Variants in EVPLL observed in about 807,000 individuals in gnomAD.
EVPLL encodes the protein envoplakin-like protein.
In EVPLL, 39 loss-of-function variants were observed where a neutral mutation model predicts 46.2. The observed-to-expected ratio is 0.84, with a 90% CI of 0.65 to 1.10. The LOEUF is 1.10. Ranked by LOEUF, EVPLL falls within the 50% of genes least tolerant of loss-of-function variation. The pLI is 0.00. For synonymous variants in EVPLL, 156 were observed against 165.8 expected, an observed-to-expected ratio of 0.94 and a Z score of 0.46; for missense variants, 385 against 412.6, an observed-to-expected ratio of 0.93 and a Z score of 0.58.
At chr17:18,382,669 G>A (rs1239907151) in intron 5 of EVPLL, 31 bp downstream of exon 5, 1 of 1,552,254 alleles carries the variant, frequency 6.4e-7, no homozygotes, top group Non-Finnish European at 8.7e-7. Context: ...TTACATCCGG[G>A]GCCAGCCCCA....
Position 18,382,815 on chromosome 17 carries a change from G to T in EVPLL, c.473-11G>T. The T allele has an allele frequency of 6.2e-7, 1 of 1,613,006 alleles. No individual in the cohort carries two copies. Among genetic ancestry groups the T allele is most frequent in the Non-Finnish European group, 8.5e-7 (1 of 1,179,582 alleles). On this transcript the variant is annotated splice_polypyrimidine_tract_variant and intron_variant, in intron 5 of 10. Transcript: ENST00000399134. ...CTCTCACGGGCTTGTTTCTCCCCTTGGTCAAGGCAGGATGCCGCCACCATC... is the reference window on the plus strand; with the variant it reads ...CTCTCACGGGCTTGTTTCTCCCCTTTGTCAAGGCAGGATGCCGCCACCATC...
At position 18,377,866 on chromosome 17, in the gene EVPLL, C is replaced by T; in HGVS notation, c.-154C>T. ...TTCACCAGCCAAGCCCAGCCTGAGC[C>T]AGCACCTGCCTTTATGACCATGTTC... On this transcript the variant is annotated 5_prime_UTR_variant, in exon 1 of 11. Transcript: ENST00000399134. 6 of 943,546 alleles carry T rather than the reference C, an allele frequency of 6.4e-6. No homozygotes were observed. The highest frequency in any genetic ancestry group is 9.6e-6 in the Non-Finnish European group (6 of 627,832). 58.4% of individuals were successfully genotyped at this position (943,546 alleles called of 1,614,324 possible). A position where few individuals can be genotyped will look rare whatever the true frequency, so the allele number is the denominator to read the frequency against.
At chr17:18,386,233 T>C (rs1220886096) in intron 9 of EVPLL, among the ~76,000 whole-genome samples, 1 of 152,180 alleles carries the variant, frequency 6.6e-6, no homozygotes, top group Non-Finnish European at 1.5e-5. Flanking sequence ...CCTCTATGCA[T>C]GTCTCTGTGT....
chr17:18,382,586 T>A lies in EVPLL; in HGVS notation c.420T>A (p.Arg140=), dbSNP rs1311853102. Residue 140 remains arginine (R), a synonymous_variant, in exon 5 of 11, where the codon CGT becomes CGA. Coordinates refer to ENST00000399134, the MANE Select transcript of EVPLL (RefSeq NM_001145127.2). ...AGGTDRGAQH[R]AEGDQRPRRA... The stretch of plus-strand genomic sequence containing the variant: ...GAACAGATCGCGGAGCTCAACATCG[T>A]GCAGAAGGAGATCAACGACCAAGGA... The A allele has an allele frequency of 1.9e-6, 3 of 1,551,664 alleles. No individual in the cohort carries two copies. In the African/African-American group the frequency reaches 4.1e-5, roughly 21 times the overall value.
In EVPLL at chr17:18,381,769, G is replaced by T. The variant is rs111463605; in HGVS notation, c.346+39G>T. ...AGTCACACCCCAGTGTGATCAGAGG[G>T]TGATACGGAACTGCATTTAACCCAG... On this transcript the variant is annotated intron_variant, in intron 4 of 10. Transcript: ENST00000399134. The surrounding 1 kb of genome is among the most constrained non-coding windows in gnomAD (Gnocchi z 4.2). 254 of 1,613,730 alleles carry T rather than the reference G, an allele frequency of 1.6e-4. No individual in the cohort carries two copies. In the African/African-American group the frequency reaches 2.9e-3, roughly 19 times the overall value.
chr17:18,383,438 G>A (rs2151629787), intron 8 of EVPLL, 54 bp from the exon 9 acceptor site: 2 of 1,069,164 alleles, frequency 1.9e-6, no homozygotes, highest in South Asian at 1.3e-5. Context: ...GGGGGGGGTG[G>A]ACGTGGGTGC....
chr17:18,382,099 CT>C, intron 4 of EVPLL: 1 of 373,012 alleles, frequency 2.7e-6, no homozygotes, highest in Non-Finnish European at 5.1e-6. Context: ...AGGAGTTGTG[CT>C]TTGATGCCAC....
rs1045300117 is a variant in EVPLL, at chr17:18,380,693, C to G, written c.-36-209C>G. The G allele has an allele frequency of 5.5e-6, 3 of 549,482 alleles. No individual in the cohort carries two copies. The African/African-American group carries it at 5.7e-5, about 10-fold the overall frequency. The allele number at this position is 549,482 out of a possible 1,614,324, so 34.0% of individuals were successfully genotyped here. ...CACCACACAGACCTGAGACCCTCAC[C>G]TTTTGACCCCTCATGTGGCGGGGCA... On this transcript the variant is annotated intron_variant, in intron 1 of 10. Coordinates refer to ENST00000399134, the MANE Select transcript of EVPLL (RefSeq NM_001145127.2).
At chr17:18,388,664 C>T (rs1987854252) in intron 10 of EVPLL, 193 bp from the exon 11 acceptor site, 1 of 160,556 alleles carries the variant, frequency 6.2e-6, no homozygotes, top group African/African-American at 2.4e-5. Flanking sequence ...GGGGTCCGGT[C>T]CCGAGAAGAC....
In EVPLL at chr17:18,381,537, G is replaced by A. The variant is rs757212648; in HGVS notation, c.218+16G>A. On this transcript the variant is annotated intron_variant, in intron 3 of 10. Coordinates refer to ENST00000399134, the MANE Select transcript of EVPLL (RefSeq NM_001145127.2). This position sits in a 1 kb window ranked among gnomAD's most constrained non-coding sequence, Gnocchi z 4.2. ...CTGAGAAGGAGTGAGTGGGGCTGCG[G>A]CAGGGCTGGGGGTCCCTGGGGAAGA... 6.2e-7 allele frequency: 1 copy of A among 1,613,252 alleles called. No individual in the cohort carries two copies. Among genetic ancestry groups the A allele is most frequent in the African/African-American group, 1.3e-5 (1 of 74,924 alleles).
chr17:18,385,145 T>C (rs1166227383), intron 9 of EVPLL, among the ~76,000 whole-genome samples: 6 of 149,870 alleles, frequency 4.0e-5, no homozygotes, highest in Non-Finnish European at 8.9e-5. Flanking sequence ...ATCACCTAAC[T>C]GCAGGTGCAA....
chr17:18,378,258 C>A lies in EVPLL; in HGVS notation c.-37+275C>A, dbSNP rs149563633. Among the ~76,000 whole-genome samples, 57 of 152,342 alleles carry A rather than the reference C, an allele frequency of 3.7e-4. No homozygotes were observed. In the East Asian group the frequency reaches 0.011, roughly 29 times the overall value. On this transcript the variant is annotated intron_variant, in intron 1 of 10. Transcript: ENST00000399134. ...TGGGCCACAGATTGATGCTGCTCAG[C>A]GGGAGAAGTGCCGGACAGGAGCCTG... is the stretch of plus-strand genomic sequence containing the variant.
At chr17:18,386,746 G>T (rs1987776406) in intron 9 of EVPLL, among the ~76,000 whole-genome samples, 1 of 152,064 alleles carries the variant, frequency 6.6e-6, no homozygotes, top group Non-Finnish European at 1.5e-5. Context: ...TCCAATCTGT[G>T]GTTTCAAGTT....
In EVPLL at chr17:18,388,883, G is replaced by A. The variant is rs561232036; in HGVS notation, c.*67G>A. On this transcript the variant is annotated 3_prime_UTR_variant, in exon 11 of 11. Coordinates refer to ENST00000399134, the MANE Select transcript of EVPLL (RefSeq NM_001145127.2). The stretch of plus-strand genomic sequence containing the variant: ...TCTTGCCGCACGTGCAGAGAGAGAG[G>A]AACTTCCAGTGCCCGCTATGGAGCC... The A allele has an allele frequency of 1.3e-5, 2 of 148,924 alleles. No individual in the cohort carries two copies. Among genetic ancestry groups the A allele is most frequent in the East Asian group, 3.9e-4 (2 of 5,142 alleles). The allele number at this position is 148,924 out of a possible 1,614,324, so 9.2% of individuals were successfully genotyped here.
At chr17:18,380,806 C>T (rs996815338) in intron 1 of EVPLL, 96 bp from the exon 2 acceptor site, 8 of 1,014,070 alleles carry the variant, frequency 7.9e-6, no homozygotes, top group Middle Eastern at 2.1e-4. Context: ...GCTGTGGGGG[C>T]GGGATGGGGT....
In EVPLL at chr17:18,377,994, C is replaced by G. The variant is rs528539159; in HGVS notation, c.-37+11C>G. 11 of 804,070 alleles carry G rather than the reference C, an allele frequency of 1.4e-5. No individual in the cohort carries two copies. In the East Asian group the frequency reaches 2.1e-4, roughly 15 times the overall value. 49.8% of individuals were successfully genotyped at this position (804,070 alleles called of 1,614,324 possible). On this transcript the variant is annotated intron_variant, in intron 1 of 10. Transcript: ENST00000399134. ...CAGCAAGCACAGCTGGTGAGTGGGACTAGGGGATGGGGAGCCAGGGAGCTA... is the reference window on the plus strand; with the variant it reads ...CAGCAAGCACAGCTGGTGAGTGGGAGTAGGGGATGGGGAGCCAGGGAGCTA...
At chr17:18,382,729 G>GGT in intron 5 of EVPLL, 91 bp downstream of exon 5, 2 of 1,396,190 alleles carry the variant, frequency 1.4e-6, no homozygotes, top group Non-Finnish European at 2.0e-6. Context: ...GGGCCCTGGG[G>GGT]ATAGGGGTGG....
chr17:18,388,285 G>C lies in EVPLL; in HGVS notation c.*37G>C. ...GGGGATTTCTGGTGGAGTAAGGGTA[G>C]CAGGTGAGAAATGAAGTACCAAGAA... On this transcript the variant is annotated 3_prime_UTR_variant, in exon 10 of 11. Coordinates refer to ENST00000399134, the MANE Select transcript of EVPLL (RefSeq NM_001145127.2). The C allele has an allele frequency of 7.0e-7, 1 of 1,435,086 alleles. No individual in the cohort carries two copies. The highest frequency in any genetic ancestry group is 9.6e-7 in the Non-Finnish European group (1 of 1,042,148). The allele number at this position is 1,435,086 out of a possible 1,614,324, so 88.9% of individuals were successfully genotyped here. A position where few individuals can be genotyped will look rare whatever the true frequency, so the allele number is the denominator to read the frequency against.
chr17:18,381,188 C>A lies in EVPLL; in HGVS notation c.64-179C>A, dbSNP rs1374110059. On this transcript the variant is annotated intron_variant, in intron 2 of 10. Transcript: ENST00000399134. This position sits in a 1 kb window ranked among gnomAD's most constrained non-coding sequence, Gnocchi z 4.2. ...GCTCAACTTCCTTCTTTGCTGGGCT[C>A]CCCTGTGTCTTTGTCACCTGCCTCA... 3 of 1,224,232 alleles carry A rather than the reference C, an allele frequency of 2.5e-6. No individual in the cohort carries two copies. Among genetic ancestry groups the A allele is most frequent in the African/African-American group, 1.5e-5 (1 of 65,788 alleles). 75.8% of individuals were successfully genotyped at this position (1,224,232 alleles called of 1,614,324 possible). A position where few individuals can be genotyped will look rare whatever the true frequency, so the allele number is the denominator to read the frequency against.
Sources: allele counts gnomAD v4.1 joint callset (sites outside exome capture counted in the v4.1 genomes callset), GRCh38; gene constraint gnomAD v4.1.1; non-coding constraint Gnocchi (gnomAD v3.1); transcripts MANE v1.5; gene names NCBI Gene and HGNC (gene_info 2026-07-23, HGNC 2026-07-21).